Variants in PTPRS observed in about 807,000 individuals in gnomAD.
PTPRS encodes the protein protein tyrosine phosphatase receptor type S.
Under a neutral mutation model 215.3 loss-of-function variants are expected in PTPRS, and 63 were observed. The observed-to-expected ratio is 0.29, with a 90% CI of 0.24 to 0.36. The LOEUF (loss-of-function observed/expected upper bound fraction) is 0.36. PTPRS is among the 10% of genes least tolerant of loss of function. The probability of loss-of-function intolerance (pLI) is 1.00; values close to 1 mark genes in which losing one functional copy is unlikely to be tolerated. For synonymous variants in PTPRS, 1,404 were observed against 1,191.4 expected (o/e 1.18, Z -3.68); for missense variants, 2,258 against 2,825.8 (o/e 0.80, Z 4.56).
In PTPRS at chr19:5,211,676, G is replaced by A. The variant is rs767844604; in HGVS notation, c.5148C>T (p.Pro1716=). ...KFKNRLVNIM[P]YESTRVCLQP... is the part of the protein sequence containing the mutation. The stretch of plus-strand genomic sequence containing the variant: ...GCAGACAGACCCGTGTGCTCTCATA[G>A]GGCATGATGTTCACCAGGCGGTTCT... The change falls in exon 33 of 38, where the codon CCC becomes CCT. Residue 1716 remains proline, a synonymous_variant. Transcript: ENST00000262963. 1.5e-5 allele frequency: 25 copies of A among 1,614,018 alleles called. No individual in the cohort carries two copies. The African/African-American group carries it at 2.7e-4, about 17-fold the overall frequency.
In PTPRS at chr19:5,248,255, G is replaced by A. The variant is rs374185014; in HGVS notation, c.719-2210C>T. On this transcript the variant is annotated intron_variant, in intron 9 of 37. Transcript: ENST00000262963. ...TCAAGGACAGAAAAACGGTATCGAC[G>A]TCCAAAACAAAACCAGGAAGAACAA... Among the ~76,000 whole-genome samples, 7 of 151,714 alleles carry A rather than the reference G, an allele frequency of 4.6e-5. No homozygotes were observed. The South Asian group carries it at 1.2e-3, about 27-fold the overall frequency.
rs568643387 is a variant in PTPRS at position 5,277,136 on chromosome 19, G to A, written c.92-2792C>T. On this transcript the variant is annotated intron_variant, in intron 2 of 37. Coordinates refer to ENST00000262963, the MANE Select transcript of PTPRS (RefSeq NM_002850.4). ...GTGCAGTGGCGCGATCTTGGCTCAC[G>A]GCAAGCTCTGCCTCCTGGGTTCATG... Among the ~76,000 whole-genome samples the A allele has an allele frequency of 8.8e-5, 13 of 147,980 alleles. No individual in the cohort carries two copies. In the East Asian group the frequency reaches 1.0e-3, roughly 12 times the overall value.
intron 2 of PTPRS, among the ~76,000 whole-genome samples, chr19:5,276,454 C>T (rs565225279): frequency 1.3e-5 from 2 of 152,192 alleles, no homozygotes; most frequent in East Asian, 3.9e-4. Context: ...AACTCCTGAC[C>T]TCAAGTGATC....
chr19:5,260,883 G>A, intron 6 of PTPRS, 61 bp from the exon 7 acceptor site: 2 of 1,593,306 alleles, frequency 1.3e-6, no homozygotes, highest in Non-Finnish European at 8.6e-7. Flanking sequence ...GGGGCCGGGG[G>A]GCCCCAGGGA....
intron 7 of PTPRS, among the ~76,000 whole-genome samples, chr19:5,260,479 C>A (rs2045901718): frequency 6.6e-6 from 1 of 152,238 alleles, no homozygotes; most frequent in Admixed American, 6.5e-5. Context: ...CGCGCCCGGC[C>A]TGCATGCTCA....
chr19:5,320,663 C>T (rs765734387), intron 1 of PTPRS, among the ~76,000 whole-genome samples: 5 of 152,058 alleles, frequency 3.3e-5, no homozygotes, highest in Non-Finnish European at 4.4e-5. Flanking sequence ...TGACCTCAGG[C>T]GATCTGCTCA....
Position 5,258,124 on chromosome 19 carries a change from G to A in PTPRS, c.599C>T (p.Ala200Val). The A allele has an allele frequency of 1.2e-6, 2 of 1,613,728 alleles. No individual in the cohort carries two copies. The highest frequency in any genetic ancestry group is 1.7e-6 in the Non-Finnish European group (2 of 1,179,600). ...ETFESTPIRG[A>V]LQIESSEETD... ...TTCCTCACTGCTTTCAATCTGCAGG[G>A]CTCCTGTGGGAAGATGGGAAAAAGC... Residue 200 changes from alanine to valine, a missense_variant, in exon 8 of 38, where the codon GCC (alanine) becomes GTC (valine). Around this residue, in one of 6 missense-constraint regions of PTPRS, gnomAD observed 508 missense variants for 799.4 expected, o/e 0.64. Coordinates refer to ENST00000262963, the MANE Select transcript of PTPRS (RefSeq NM_002850.4).
rs540193719 is a variant in PTPRS, at chr19:5,236,863, A to C, written c.1849+2056T>G. 1.1e-4 allele frequency among the ~76,000 whole-genome samples: 17 copies of C among 150,484 alleles called. 1 individual carries two copies. Among genetic ancestry groups the C allele is most frequent in the Admixed American group, 3.9e-4 (6 of 15,224 alleles). On this transcript the variant is annotated intron_variant, in intron 13 of 37. Transcript: ENST00000262963. ...GGGAGCAGGGGGAAAAAAAAAAAAA[A>C]AACAACAATCAAGGAATGTGTCGGA... is the stretch of plus-strand genomic sequence containing the variant.
intron 9 of PTPRS, among the ~76,000 whole-genome samples, chr19:5,247,031 AAG>A (rs979017105): frequency 1.3e-5 from 2 of 151,680 alleles, no homozygotes; most frequent in African/African-American, 2.4e-5. Flanking sequence ...AATGGGGAGA[AAG>A]AGAGAAGAAT....
At chr19:5,336,263 A>AGGG (rs113603019) in intron 1 of PTPRS, among the ~76,000 whole-genome samples, 2 of 56,628 alleles carry the variant, frequency 3.5e-5, no homozygotes, top group African/African-American at 5.1e-5. Flanking sequence ...TTAAAGGAAA[A>AGGG]GGGGGGGGGG....
At position 5,231,515 on chromosome 19, in the gene PTPRS, G is replaced by A. The variant is rs1437619741; in HGVS notation, c.1950C>T (p.Ala650=). 3 of 1,612,194 alleles carry A rather than the reference G, an allele frequency of 1.9e-6. No homozygotes were observed. The highest frequency in any genetic ancestry group is 2.5e-6 in the Non-Finnish European group (3 of 1,179,822). Residue 650 remains alanine (A), a synonymous_variant, in exon 14 of 38, where the codon GCC becomes GCT. Transcript: ENST00000262963. ...RPPPPETHNG[A]LVGYSVRYRP... The stretch of plus-strand genomic sequence containing the variant: ...GGTAGCGGACGCTGTAGCCCACCAG[G>A]GCCCCGTTGTGCGTTTCCGGCGGCG...
Position 5,257,881 on chromosome 19 carries a change from T to A in PTPRS, c.706+136A>T. On this transcript the variant is annotated intron_variant, in intron 8 of 37. Coordinates refer to ENST00000262963, the MANE Select transcript of PTPRS (RefSeq NM_002850.4). This position sits in a 1 kb window ranked among gnomAD's most constrained non-coding sequence, Gnocchi z 4.4. ...GAGAGGGACGCCGCCTCGGCCAAGG[T>A]CCCACCGCGACCGGGGAGGGGCCTT... 2 of 693,586 alleles carry A rather than the reference T, an allele frequency of 2.9e-6. No individual in the cohort carries two copies. Among genetic ancestry groups the A allele is most frequent in the Non-Finnish European group, 4.8e-6 (2 of 412,756 alleles). 43.0% of individuals were successfully genotyped at this position (693,586 alleles called of 1,614,324 possible). A position where few individuals can be genotyped will look rare whatever the true frequency, so the allele number is the denominator to read the frequency against.
At position 5,246,058 on chromosome 19, in the gene PTPRS, C is replaced by T. The variant is rs763136618; in HGVS notation, c.719-13G>A. 38 of 1,078,426 alleles carry T rather than the reference C, an allele frequency of 3.5e-5. No individual in the cohort carries two copies. The Admixed American group carries it at 1.3e-3, about 37-fold the overall frequency. The allele number at this position is 1,078,426 out of a possible 1,614,324, so 66.8% of individuals were successfully genotyped here. ...GCCACGCGGCGGACTGGGGAGGGGG[C>T]GGCAGTGGCGGCGGGAGGGAGATGC... On this transcript the variant is annotated splice_polypyrimidine_tract_variant and intron_variant, in intron 9 of 37. Transcript: ENST00000262963.
chr19:5,284,629 T>G (rs2048181944), intron 2 of PTPRS, among the ~76,000 whole-genome samples: 1 of 152,016 alleles, frequency 6.6e-6, no homozygotes, highest in African/African-American at 2.4e-5. Flanking sequence ...CTGATCTGAA[T>G]GTATAGGGGC....
At chr19:5,265,517 A>C (rs542626954) in intron 4 of PTPRS, among the ~76,000 whole-genome samples, 1 of 151,920 alleles carries the variant, frequency 6.6e-6, no homozygotes, top group Non-Finnish European at 1.5e-5. Context: ...AATTTTTAAA[A>C]TTTTTGTAGA....
chr19:5,210,672 A>G lies in PTPRS; in HGVS notation c.5361+7T>C. ...CTCGCCCTTCCCTGCTGTGGCCCCT[A>G]GCTCACCCGGCCCATCTCCCGCAGC... On this transcript the variant is annotated splice_region_variant and intron_variant, in intron 34 of 37. Coordinates refer to ENST00000262963, the MANE Select transcript of PTPRS (RefSeq NM_002850.4). The surrounding 1 kb of genome is among the most constrained non-coding windows in gnomAD (Gnocchi z 4.5). 1 of 1,614,062 alleles carries G rather than the reference A, an allele frequency of 6.2e-7. No individual in the cohort carries two copies. The highest frequency in any genetic ancestry group is 8.5e-7 in the Non-Finnish European group (1 of 1,180,024).
At chr19:5,248,069 T>G (rs933305733) in intron 9 of PTPRS, among the ~76,000 whole-genome samples, 18 of 3,130 alleles carry the variant, frequency 5.8e-3, no homozygotes, top group South Asian at 0.011. Flanking sequence ...TAGGGCTGGG[T>G]GGAGGGTGGG....
chr19:5,248,252 G>A (rs904281520), intron 9 of PTPRS, among the ~76,000 whole-genome samples: 5 of 151,806 alleles, frequency 3.3e-5, no homozygotes, highest in Non-Finnish European at 2.9e-5. Flanking sequence ...AAACGGTATC[G>A]ACGTCCAAAA....
At chr19:5,266,486 T>C (rs980741801) in intron 4 of PTPRS, among the ~76,000 whole-genome samples, 1 of 151,872 alleles carries the variant, frequency 6.6e-6, no homozygotes, top group Non-Finnish European at 1.5e-5. Flanking sequence ...GGAGTCTCAC[T>C]CGTCGGCCAG....
Sources: gnomAD v4.1 joint callset for allele counts (sites outside exome capture counted in the v4.1 genomes callset) on GRCh38, gnomAD v4.1.1 for gene constraint, gnomAD v4.1.1 regional missense constraint, Gnocchi (gnomAD v3.1) non-coding constraint, MANE v1.5 for transcripts, NCBI Gene and HGNC (gene_info 2026-07-23, HGNC 2026-07-21) for gene names.